CDNF: variants seen among roughly 807,000 people sequenced by gnomAD.
CDNF encodes the protein ARMET-like protein 1.
In CDNF, 9 loss-of-function variants were observed where a neutral mutation model predicts 14.8. The ratio of observed to expected loss-of-function variants is 0.61; its 90% CI spans 0.37 to 1.06. CDNF has a LOEUF of 1.06. CDNF is among the 50% of genes least tolerant of loss of function. CDNF has a pLI of 0.01. For synonymous variants in CDNF, 86 were observed against 87.2 expected (o/e 0.99, Z 0.07); for missense variants, 228 against 228.4 (o/e 1.00, Z 0.01).
intron 1 of CDNF, among the ~76,000 whole-genome samples, chr10:14,831,317 G>A (rs1833841580): frequency 6.6e-6 from 1 of 151,856 alleles, no homozygotes. Flanking sequence ...TCAACCCCCT[G>A]GACTCCCACT....
chr10:14,826,215 AAGAAGC>A (rs1193546549), intron 2 of CDNF, among the ~76,000 whole-genome samples: 40 of 145,838 alleles, frequency 2.7e-4, no homozygotes, highest in Admixed American at 3.4e-4. Context: ...GAAGAAGAAG[AAGAAGC>A]AGAAGCAGAA....
intron 1 of CDNF, chr10:14,834,340 C>CAA (rs1189292435): frequency 6.8e-5 from 9 of 133,106 alleles, no homozygotes; most frequent in South Asian, 2.4e-4. Flanking sequence ...GGCTCTGTCT[C>CAA]AAAAAAAAAA....
chr10:14,830,655 G>T (rs961111973), intron 1 of CDNF, among the ~76,000 whole-genome samples: 6 of 152,180 alleles, frequency 3.9e-5, no homozygotes, highest in African/African-American at 9.7e-5. Flanking sequence ...AGACCAGCCT[G>T]GCCAATATGA....
intron 1 of CDNF, 57 bp downstream of exon 1, chr10:14,837,775 A>G: frequency 2.8e-6 from 3 of 1,068,918 alleles, no homozygotes; most frequent in Non-Finnish European, 4.1e-6. Flanking sequence ...CAAAGCCGAC[A>G]GCTGCTGCGC....
intron 1 of CDNF, among the ~76,000 whole-genome samples, chr10:14,830,003 C>T (rs569316627): frequency 3.3e-5 from 5 of 152,204 alleles, no homozygotes; most frequent in African/African-American, 1.2e-4. Context: ...GCTTATTTTG[C>T]GCCACACGAT....
chr10:14,833,595 C>G (rs1296622124), intron 1 of CDNF, among the ~76,000 whole-genome samples: 2 of 150,998 alleles, frequency 1.3e-5, no homozygotes, highest in East Asian at 1.9e-4. Context: ...AGAACCTTGA[C>G]TAATATAACA....
chr10:14,824,138 G>T (rs1409137549), intron 3 of CDNF, among the ~76,000 whole-genome samples: 1 of 152,170 alleles, frequency 6.6e-6, no homozygotes, highest in Non-Finnish European at 1.5e-5. Flanking sequence ...GCAAAACAAT[G>T]ACTTAAGCAA....
intron 2 of CDNF, among the ~76,000 whole-genome samples, chr10:14,826,546 G>A: frequency 6.6e-6 from 1 of 152,164 alleles, no homozygotes; most frequent in East Asian, 1.9e-4. Context: ...GAAGAAAGAA[G>A]AAGAGAGGTT....
intron 2 of CDNF, among the ~76,000 whole-genome samples, chr10:14,827,028 C>T (rs1833803608): frequency 8.1e-6 from 1 of 123,670 alleles, no homozygotes; most frequent in Admixed American, 1.1e-4. Context: ...TCAGCCTGGG[C>T]TACAAGGCCA....
chr10:14,833,556 G>A (rs189280930), intron 1 of CDNF, among the ~76,000 whole-genome samples: 1 of 152,052 alleles, frequency 6.6e-6, no homozygotes, highest in Non-Finnish European at 1.5e-5. Context: ...TATATGTTCT[G>A]TTTGGTCCTA....
chr10:14,837,766 A>C, intron 1 of CDNF, 66 bp downstream of exon 1: 1 of 987,578 alleles, frequency 1.0e-6, no homozygotes. Flanking sequence ...AGGAGAAGCC[A>C]AAGCCGACAG....
Position 14,825,603 on chromosome 10 carries a change from G to T in CDNF, c.261C>A (p.Ala87=). ...KENRLCYYLG[A]TKDAATKILS... is the part of the protein sequence containing the mutation. ...GGATCTTTGTGGCTGCGTCTTTTGT[G>T]GCTCCTAGATAATAGCACTGAAGGA... Residue 87 remains alanine (A), a synonymous_variant, in exon 3 of 4, where the codon GCC becomes GCA. Coordinates refer to ENST00000465530, the MANE Select transcript of CDNF (RefSeq NM_001029954.3). 1 of 1,613,922 alleles carries T rather than the reference G, an allele frequency of 6.2e-7. No individual in the cohort carries two copies. Among genetic ancestry groups the T allele is most frequent in the Non-Finnish European group, 8.5e-7 (1 of 1,179,942 alleles).
In CDNF at chr10:14,831,893, T is replaced by C. The variant is rs140496947; in HGVS notation, c.116-3621A>G. Among the ~76,000 whole-genome samples, 805 of 152,322 alleles carry C rather than the reference T, an allele frequency of 5.3e-3. 5 individuals are homozygous for C. The highest frequency in any genetic ancestry group is 0.018 in the African/African-American group (766 of 41,582). On this transcript the variant is annotated intron_variant, in intron 1 of 3. Transcript: ENST00000465530. Reference sequence around the variant, plus strand: ...CTAGCCCATATATTTTTATTTCTAATGCTATCAACATGAACAGAATACTAA... The same window carrying C: ...CTAGCCCATATATTTTTATTTCTAACGCTATCAACATGAACAGAATACTAA...
At position 14,819,683 on chromosome 10, in the gene CDNF, A is replaced by G. The variant is rs1235602034; in HGVS notation, c.*297T>C. ...CCTTCTTCTTTCTTGGAATCAATTT[A>G]CTCCATCAATTTGTCAGTAGGTCAC... is the stretch of plus-strand genomic sequence containing the variant. On this transcript the variant is annotated 3_prime_UTR_variant, in exon 4 of 4. Transcript: ENST00000465530. The G allele has an allele frequency of 4.1e-6, 1 of 243,974 alleles. No homozygotes were observed. The highest frequency in any genetic ancestry group is 7.8e-6 in the Non-Finnish European group (1 of 128,662). 15.1% of individuals were successfully genotyped at this position (243,974 alleles called of 1,614,324 possible). A position where few individuals can be genotyped will look rare whatever the true frequency, so the allele number is the denominator to read the frequency against.
intron 2 of CDNF, among the ~76,000 whole-genome samples, chr10:14,827,767 C>G (rs746749248): frequency 2.6e-5 from 4 of 152,018 alleles, no homozygotes; most frequent in Non-Finnish European, 5.9e-5. Flanking sequence ...TGGTGCACAC[C>G]CGTAATCCTA....
At chr10:14,826,376 CA>C in intron 2 of CDNF, among the ~76,000 whole-genome samples, 1 of 140,654 alleles carries the variant, frequency 7.1e-6, no homozygotes, top group Non-Finnish European at 1.5e-5. Context: ...AGAAGAGCAG[CA>C]GCAGAAGAAG....
intron 1 of CDNF, chr10:14,834,184 T>A (rs1833868074): frequency 6.6e-6 from 1 of 151,798 alleles, no homozygotes. Flanking sequence ...CTATTAAAAA[T>A]ACAAAAAATT....
intron 3 of CDNF, among the ~76,000 whole-genome samples, 182 bp from the exon 4 acceptor site, chr10:14,820,340 CCTCT>C (rs1416526764): frequency 1.3e-5 from 2 of 152,082 alleles, no homozygotes; most frequent in African/African-American, 2.4e-5. Context: ...GTACAGCAGC[CCTCT>C]CTATCAGTGG....
intron 1 of CDNF, among the ~76,000 whole-genome samples, chr10:14,834,883 T>C (rs1833874157): frequency 6.6e-6 from 1 of 151,992 alleles, no homozygotes; most frequent in Admixed American, 6.6e-5. Flanking sequence ...ATTTTGACAA[T>C]GCGGAGGGGA....
Sources: allele counts gnomAD v4.1 joint callset (sites outside exome capture counted in the v4.1 genomes callset), GRCh38; gene constraint gnomAD v4.1.1; transcripts MANE v1.5; gene names NCBI Gene and HGNC (gene_info 2026-07-23, HGNC 2026-07-21).